ECE1: variants seen among roughly 807,000 people sequenced by gnomAD.
ECE1 encodes the protein endothelin converting enzyme 1, also known as endothelin-converting enzyme 1.
Under a neutral mutation model 98.6 loss-of-function variants are expected in ECE1, and 35 were observed. The ratio of observed to expected loss-of-function variants is 0.35; its 90% CI spans 0.27 to 0.47. ECE1 has a LOEUF of 0.47. ECE1 is among the 20% of genes least tolerant of loss of function. The probability of loss-of-function intolerance (pLI) is 1.00; values close to 1 mark genes in which losing one functional copy is unlikely to be tolerated. For missense variants in ECE1, 814 were observed against 1,025.3 expected (o/e 0.79, Z 2.81); for synonymous variants, 394 against 407.1 (o/e 0.97, Z 0.39).
In ECE1 at chr1:21,238,877, A is replaced by G. The variant is rs114431242; in HGVS notation, c.1279-633T>C. Among the ~76,000 whole-genome samples, 683 of 151,706 alleles carry G rather than the reference A, an allele frequency of 4.5e-3. 4 individuals carry two copies. Among genetic ancestry groups the G allele is most frequent in the African/African-American group, 0.016 (648 of 41,310 alleles). Reference sequence around the variant, plus strand: ...ACCTAGGCTGGAGTGCAGTGGTGCGATCACACAGCTCACTGCAGCCTCGAC... The same window carrying G: ...ACCTAGGCTGGAGTGCAGTGGTGCGGTCACACAGCTCACTGCAGCCTCGAC... On this transcript the variant is annotated intron_variant, in intron 10 of 18. Coordinates refer to ENST00000374893, the MANE Select transcript of ECE1 (RefSeq NM_001397.3).
At chr1:21,292,061 T>C (rs2103364834), upstream of ECE1, among the ~76,000 whole-genome samples, 2 of 151,840 alleles carry the variant, frequency 1.3e-5, no homozygotes, top group South Asian at 4.2e-4. Flanking sequence ...GAGGCTTAGG[T>C]GGGAGAATCG....
Position 21,219,967 on chromosome 1 carries a change from G to A in ECE1, c.2301C>T (p.Cys767=), listed in dbSNP as rs752479442. 17 of 1,614,108 alleles carry A rather than the reference G, an allele frequency of 1.1e-5. No individual in the cohort carries two copies. The highest frequency in any genetic ancestry group is 1.6e-4 in the Middle Eastern group (1 of 6,084). ...PGSPMNPPHK[C]EVW is the part of the protein sequence containing the mutation. ...CTCCGCTTCGTCCTTACCAGACTTC[G>A]CACTTGTGAGGCGGGTTCATGGGTG... is the stretch of plus-strand genomic sequence containing the variant. The change falls in exon 19 of 19, where the codon TGC becomes TGT. Residue 767 remains cysteine (C), a synonymous_variant. Coordinates refer to ENST00000374893, the MANE Select transcript of ECE1 (RefSeq NM_001397.3). The surrounding 1 kb of genome is among the most constrained non-coding windows in gnomAD (Gnocchi z 4.5).
intron 1 of ECE1, among the ~76,000 whole-genome samples, chr1:21,332,238 C>G (rs1484089266): frequency 6.6e-6 from 1 of 152,058 alleles, no homozygotes; most frequent in Non-Finnish European, 1.5e-5. Context: ...ATAGTACAAA[C>G]CCCTAGAGAG....
intron 1 of ECE1, among the ~76,000 whole-genome samples, chr1:21,343,703 C>T (rs553208538): frequency 1.6e-3 from 248 of 152,270 alleles, no homozygotes; most frequent in African/African-American, 5.7e-3. Context: ...GGGGTTCAAA[C>T]ACAAATTGGT....
intron 16 of ECE1, 30 bp downstream of exon 16, chr1:21,227,129 T>C (rs2098175346): frequency 1.9e-6 from 3 of 1,609,998 alleles, no homozygotes; most frequent in Middle Eastern, 1.7e-4. Context: ...ATTACAGGCA[T>C]GAGCCATCGT....
At chr1:21,330,304 C>T (rs1639173818) in intron 1 of ECE1, among the ~76,000 whole-genome samples, 1 of 140,636 alleles carries the variant, frequency 7.1e-6, no homozygotes, top group South Asian at 2.3e-4. Context: ...GGCATGATCT[C>T]CACTCACTGC....
intron 5 of ECE1, among the ~76,000 whole-genome samples, chr1:21,259,788 G>T (rs1418905132): frequency 6.6e-6 from 1 of 152,158 alleles, no homozygotes; most frequent in Non-Finnish European, 1.5e-5. Context: ...GTCTTCCCCT[G>T]CTCAGGAGTA....
intron 10 of ECE1, among the ~76,000 whole-genome samples, chr1:21,239,678 C>T (rs1416715360): frequency 3.3e-5 from 5 of 152,178 alleles, no homozygotes; most frequent in African/African-American, 9.7e-5. Flanking sequence ...GGGCTGGGGG[C>T]TGACAGGAAA....
chr1:21,273,446 T>C (rs916943896), intron 3 of ECE1, among the ~76,000 whole-genome samples: 8 of 151,804 alleles, frequency 5.3e-5, no homozygotes, highest in African/African-American at 1.9e-4. Flanking sequence ...ACAATTCAGT[T>C]GGGGATATAC....
chr1:21,270,716 A>G (rs930311776), intron 4 of ECE1, among the ~76,000 whole-genome samples: 2 of 152,222 alleles, frequency 1.3e-5, no homozygotes, highest in Admixed American at 1.3e-4. Context: ...GCATGGTTTA[A>G]ATACATTTAA....
chr1:21,311,400 T>C (rs1035421256), intron 1 of ECE1, among the ~76,000 whole-genome samples: 2 of 150,366 alleles, frequency 1.3e-5, no homozygotes, highest in Non-Finnish European at 2.9e-5. Flanking sequence ...GGGCCGGGCA[T>C]GGGGGTTCAC....
At chr1:21,330,314 C>A (rs952167218) in intron 1 of ECE1, among the ~76,000 whole-genome samples, 2 of 145,746 alleles carry the variant, frequency 1.4e-5, no homozygotes, top group Non-Finnish European at 1.5e-5. Context: ...CCACTCACTG[C>A]AACCTCTGCC....
At chr1:21,270,102 G>A (rs1042121764) in intron 4 of ECE1, among the ~76,000 whole-genome samples, 5 of 152,202 alleles carry the variant, frequency 3.3e-5, no homozygotes, top group African/African-American at 1.2e-4. Context: ...AAGCTAGAGG[G>A]CCTGTCCACT....
intron 17 of ECE1, 57 bp from the exon 18 acceptor site, chr1:21,221,899 G>T: frequency 6.7e-7 from 1 of 1,498,418 alleles, no homozygotes; most frequent in East Asian, 2.3e-5. Context: ...TGAAGGAGGG[G>T]ACTGGTATGG....
rs781649365 is a variant in ECE1, at chr1:21,290,022, C to T, written c.138+48G>A. On this transcript the variant is annotated intron_variant, in intron 2 of 18. Coordinates refer to ENST00000374893, the MANE Select transcript of ECE1 (RefSeq NM_001397.3). The surrounding 1 kb of genome is among the most constrained non-coding windows in gnomAD (Gnocchi z 7.3). ...GGGCGCGGCAGCGGCAGCGCGCATG[C>T]CCGGGCCCGGGGCGCCTGGACCTCG... is the stretch of plus-strand genomic sequence containing the variant. 1.1e-5 allele frequency: 14 copies of T among 1,266,966 alleles called. No homozygotes were observed. The highest frequency in any genetic ancestry group is 4.3e-5 in the South Asian group (2 of 46,210). 78.5% of individuals were successfully genotyped at this position (1,266,966 alleles called of 1,614,324 possible). A position where few individuals can be genotyped will look rare whatever the true frequency, so the allele number is the denominator to read the frequency against.
Position 21,219,863 on chromosome 1 carries a change from G to A in ECE1, c.*92C>T. The A allele has an allele frequency of 1.4e-5, 21 of 1,549,680 alleles. No individual in the cohort carries two copies. In the South Asian group the frequency reaches 2.4e-4, roughly 18 times the overall value. On this transcript the variant is annotated 3_prime_UTR_variant, in exon 19 of 19. Coordinates refer to ENST00000374893, the MANE Select transcript of ECE1 (RefSeq NM_001397.3). The surrounding 1 kb of genome is among the most constrained non-coding windows in gnomAD (Gnocchi z 4.5). ...GTGTGAGGAAGCAGGGCCCCGGGTG[G>A]CCAAGCGGGCTGAGCAATGCCCTGG...
intron 3 of ECE1, among the ~76,000 whole-genome samples, chr1:21,274,122 T>C (rs962677235): frequency 1.3e-5 from 2 of 152,212 alleles, no homozygotes; most frequent in African/African-American, 4.8e-5. Flanking sequence ...TTACAAGTCA[T>C]CAGATGCAGG....
chr1:21,231,320 C>T (rs950810463), intron 14 of ECE1, among the ~76,000 whole-genome samples: 1 of 152,232 alleles, frequency 6.6e-6, no homozygotes, highest in East Asian at 1.9e-4. Flanking sequence ...CCAGGTGAGC[C>T]CCACAGCCAT....
chr1:21,267,447 A>G (rs552987660), intron 4 of ECE1, among the ~76,000 whole-genome samples: 3,038 of 152,282 alleles, frequency 0.02, 47 homozygotes, highest in South Asian at 0.037. Flanking sequence ...GCTGTGCAGG[A>G]GAACTCCCAT....
Sources: gnomAD v4.1 joint callset for allele counts (sites outside exome capture counted in the v4.1 genomes callset) on GRCh38, gnomAD v4.1.1 for gene constraint, Gnocchi (gnomAD v3.1) non-coding constraint, MANE v1.5 for transcripts, NCBI Gene and HGNC (gene_info 2026-07-23, HGNC 2026-07-21) for gene names.